L3HYPDH: variants seen among roughly 807,000 people sequenced by gnomAD.
L3HYPDH encodes trans-L-3-hydroxyproline dehydratase.
A neutral mutation model predicts 26.5 loss-of-function variants in L3HYPDH; 32 were observed. The ratio of observed to expected loss-of-function variants is 1.21; its 90% CI spans 0.91 to 1.62. L3HYPDH has a LOEUF of 1.62. L3HYPDH is among the 40% of genes most tolerant of loss of function. The pLI, the probability that L3HYPDH is intolerant of heterozygous loss-of-function variation, is 0.00. For missense variants in L3HYPDH, 554 were observed against 476.4 expected, an observed-to-expected ratio of 1.16 and a Z score of -1.52; for synonymous variants, 215 against 196.6, an observed-to-expected ratio of 1.09 and a Z score of -0.78.
At chr14:59,496,802 T>A in the L3HYPDH span, among the ~76,000 whole-genome samples, 1 of 152,210 alleles carries the variant, frequency 6.6e-6, no homozygotes, top group Non-Finnish European at 1.5e-5. Context: ...CCAACAGTCA[T>A]TGTAGAACAG....
the L3HYPDH span, among the ~76,000 whole-genome samples, chr14:59,496,021 A>G: frequency 2.0e-5 from 3 of 152,212 alleles, no homozygotes; most frequent in African/African-American, 7.2e-5. Context: ...CTTGTGCCTC[A>G]GCCTCCCAAG....
At chr14:59,497,560 G>C in the L3HYPDH span, among the ~76,000 whole-genome samples, 1 of 152,164 alleles carries the variant, frequency 6.6e-6, no homozygotes, top group Non-Finnish European at 1.5e-5. Flanking sequence ...CTGTTGATAA[G>C]AGGTAGCAAA....
At chr14:59,498,726 G>T in the L3HYPDH span, 1 of 1,435,548 alleles carries the variant, frequency 7.0e-7, no homozygotes, top group South Asian at 1.3e-5. Flanking sequence ...TTATTTTACA[G>T]ATATACCATT....
upstream of L3HYPDH, chr14:59,487,077 C>T (rs1228967130): frequency 8.5e-6 from 2 of 234,572 alleles, no homozygotes; most frequent in Admixed American, 1.1e-4. Flanking sequence ...GTTGTGTGCG[C>T]CTGTAGTCCC....
rs570910268 is a variant in L3HYPDH, at chr14:59,479,428, A to G, written c.509-77T>C. ...AGCAATAAAATTCAAAGGATTTTTA[A>G]TATGTTTATTTTTCAAGAGGGATGT... On this transcript the variant is annotated intron_variant, in intron 1 of 4. Coordinates refer to ENST00000247194, the MANE Select transcript of L3HYPDH (RefSeq NM_144581.2). 81 of 1,319,924 alleles carry G rather than the reference A, an allele frequency of 6.1e-5. 2 individuals are homozygous for G. Among genetic ancestry groups the G allele is most frequent in the Admixed American group, 5.3e-4 (23 of 43,138 alleles). The allele number at this position is 1,319,924 out of a possible 1,614,324, so 81.8% of individuals were successfully genotyped here.
chr14:59,495,045 T>C, the L3HYPDH span: 6 of 1,613,890 alleles, frequency 3.7e-6, no homozygotes, highest in Non-Finnish European at 5.1e-6. Context: ...AACACATCAC[T>C]GCATTATTTG....
At chr14:59,504,913 T>A in the L3HYPDH span, 5 of 177,450 alleles carry the variant, frequency 2.8e-5, no homozygotes. Context: ...ATACAGAAGA[T>A]ACACAGAATA....
intron 2 of L3HYPDH, among the ~76,000 whole-genome samples, chr14:59,476,929 C>A (rs576472156): frequency 6.6e-5 from 10 of 152,286 alleles, no homozygotes; most frequent in African/African-American, 2.4e-4. Flanking sequence ...TGGATTTCTG[C>A]AAACATTTAC....
upstream of L3HYPDH, chr14:59,484,733 G>A (rs1404306444): frequency 1.1e-5 from 12 of 1,130,724 alleles, no homozygotes; most frequent in East Asian, 2.8e-4. Context: ...CCGCCCTCGG[G>A]CCGGGCTCCG....
At chr14:59,499,779 C>G in the L3HYPDH span, among the ~76,000 whole-genome samples, 3 of 152,234 alleles carry the variant, frequency 2.0e-5, no homozygotes, top group South Asian at 2.1e-4. Flanking sequence ...ACCAGAAATT[C>G]TGTTATCCGC....
the L3HYPDH span, among the ~76,000 whole-genome samples, chr14:59,493,664 T>C: frequency 6.6e-5 from 10 of 152,174 alleles, no homozygotes; most frequent in Non-Finnish European, 1.0e-4. Context: ...CCATGTACAG[T>C]ACAAGTACTG....
the L3HYPDH span, among the ~76,000 whole-genome samples, chr14:59,490,989 G>T: frequency 1.1e-4 from 16 of 152,352 alleles, no homozygotes; most frequent in South Asian, 3.3e-3. Context: ...AGACAGGAAA[G>T]GAGGTGGGTT....
chr14:59,473,152 A>G (rs989614586), intron 4 of L3HYPDH, 62 bp from the exon 5 acceptor site: 2 of 1,458,152 alleles, frequency 1.4e-6, no homozygotes, highest in African/African-American at 1.5e-5. Flanking sequence ...TCTGGCTTGA[A>G]AACTGTACTC....
the L3HYPDH span, chr14:59,501,258 T>C: frequency 3.8e-6 from 6 of 1,593,448 alleles, no homozygotes; most frequent in Non-Finnish European, 3.4e-6. Context: ...TGTCTGCTTC[T>C]GAAATAGAGG....
At chr14:59,498,866 C>G in the L3HYPDH span, 1 of 1,611,140 alleles carries the variant, frequency 6.2e-7, no homozygotes, top group Non-Finnish European at 8.5e-7. Context: ...TTACTTCTTC[C>G]CAATTTTAAC....
chr14:59,499,015 C>CTTTTTTTTTTTTTTTT, the L3HYPDH span: 2 of 124,342 alleles, frequency 1.6e-5, no homozygotes, highest in Non-Finnish European at 2.8e-5. Context: ...TTGTTTAATC[C>CTTTTTTTTTTTTTTTT]TTTTTTTTTT....
chr14:59,502,773 T>TTTTTTTTTG, the L3HYPDH span, among the ~76,000 whole-genome samples: 211 of 102,832 alleles, frequency 2.1e-3, 11 homozygotes, highest in Middle Eastern at 6.1e-3. Context: ...TTTTTTTTTT[T>TTTTTTTTTG]CGGAGTCTCA....
chr14:59,500,957 A>G, the L3HYPDH span: 2 of 429,740 alleles, frequency 4.7e-6, no homozygotes, highest in South Asian at 7.8e-5. Context: ...CTTTCCCACT[A>G]CAACTGCAGA....
upstream of L3HYPDH, chr14:59,484,697 G>C (rs1000726968): frequency 1.2e-5 from 17 of 1,397,586 alleles, no homozygotes; most frequent in Middle Eastern, 1.1e-3. Flanking sequence ...TTCGGTTGGC[G>C]GCGCAGGCTC....
Sources: allele counts gnomAD v4.1 joint callset (sites outside exome capture counted in the v4.1 genomes callset), GRCh38; gene constraint gnomAD v4.1.1; transcripts MANE v1.5; gene names NCBI Gene and HGNC (gene_info 2026-07-23, HGNC 2026-07-21).